CPNE4: variants seen among roughly 807,000 people sequenced by gnomAD.
The protein encoded by CPNE4 is copine 4.
Under a neutral mutation model 67.9 loss-of-function variants are expected in CPNE4, and 25 were observed. That is an observed-to-expected ratio of 0.37 (90% CI 0.27 to 0.51). The LOEUF (loss-of-function observed/expected upper bound fraction) is 0.51, where lower values mean the gene tolerates loss of function less well. Ranked by LOEUF, CPNE4 falls within the 20% of genes least tolerant of loss-of-function variation. The pLI is 0.93. For missense variants in CPNE4, 464 were observed against 690.8 expected, an observed-to-expected ratio of 0.67 and a Z score of 3.68; for synonymous variants, 242 against 244.9, an observed-to-expected ratio of 0.99 and a Z score of 0.11.
At chr3:131,538,377 C>A (rs1935288712) in intron 15 of CPNE4, among the ~76,000 whole-genome samples, 2 of 152,150 alleles carry the variant, frequency 1.3e-5, no homozygotes, top group African/African-American at 4.8e-5. Flanking sequence ...CCAAAGGATC[C>A]CCCATCCCCT....
chr3:131,633,331 C>T (rs1051042871), intron 7 of CPNE4, among the ~76,000 whole-genome samples: 1 of 152,094 alleles, frequency 6.6e-6, no homozygotes, highest in Non-Finnish European at 1.5e-5. Context: ...CACCCCCATC[C>T]CTACCACATT....
At chr3:131,636,555 C>G (rs2079391735) in intron 7 of CPNE4, among the ~76,000 whole-genome samples, 1 of 152,128 alleles carries the variant, frequency 6.6e-6, no homozygotes, top group South Asian at 2.1e-4. Flanking sequence ...TCTTTCTCTA[C>G]CTTCTGTGGT....
intron 12 of CPNE4, among the ~76,000 whole-genome samples, chr3:131,553,725 A>C (rs1936311521): frequency 6.6e-6 from 1 of 152,116 alleles, no homozygotes; most frequent in African/African-American, 2.4e-5. Context: ...GTTTCTGAGA[A>C]AGTGCTAACT....
chr3:131,994,438 C>T (rs1302573262), intron 1 of CPNE4, among the ~76,000 whole-genome samples: 2 of 138,200 alleles, frequency 1.4e-5, no homozygotes, highest in African/African-American at 2.4e-5. Context: ...GGAGCAGCTG[C>T]ACCATCTGGC....
At chr3:131,576,367 G>A (rs992889757) in intron 9 of CPNE4, among the ~76,000 whole-genome samples, 1 of 152,070 alleles carries the variant, frequency 6.6e-6, no homozygotes, top group African/African-American at 2.4e-5. Flanking sequence ...CAAAATAACA[G>A]TGCTTCTGAG....
intron 7 of CPNE4, among the ~76,000 whole-genome samples, chr3:131,664,359 C>A (rs1010482708): frequency 6.6e-6 from 1 of 152,064 alleles, no homozygotes; most frequent in Admixed American, 6.6e-5. Context: ...TTGATCAAAT[C>A]AAATAAAATG....
intron 1 of CPNE4, among the ~76,000 whole-genome samples, chr3:131,986,636 G>A (rs1304230349): frequency 5.3e-5 from 8 of 152,034 alleles, no homozygotes; most frequent in African/African-American, 1.4e-4. Context: ...GGTGGCTCAC[G>A]CCTGTAATCC....
intron 7 of CPNE4, among the ~76,000 whole-genome samples, chr3:131,602,492 T>A (rs920422192): frequency 6.6e-6 from 1 of 152,170 alleles, no homozygotes; most frequent in Non-Finnish European, 1.5e-5. Context: ...CTCTTCTGGA[T>A]TGCAGCCAAG....
chr3:131,865,162 T>C (rs543890604), intron 2 of CPNE4, among the ~76,000 whole-genome samples: 5 of 152,306 alleles, frequency 3.3e-5, no homozygotes, highest in African/African-American at 4.8e-5. Context: ...TGGTCTAAAA[T>C]TCCCTTTTTT....
intron 2 of CPNE4, among the ~76,000 whole-genome samples, chr3:131,772,876 C>T (rs1406232686): frequency 2.0e-5 from 3 of 152,116 alleles, no homozygotes; most frequent in Non-Finnish European, 2.9e-5. Context: ...GGCTGATGTG[C>T]TTGCTGCCTG....
chr3:131,596,300 C>G (rs1325095317), intron 7 of CPNE4, among the ~76,000 whole-genome samples: 2 of 152,094 alleles, frequency 1.3e-5, no homozygotes, highest in Non-Finnish European at 2.9e-5. Context: ...TCTTTACACA[C>G]CAATTATATT....
At chr3:131,572,953 A>T (rs1937408903) in intron 10 of CPNE4, among the ~76,000 whole-genome samples, 1 of 152,064 alleles carries the variant, frequency 6.6e-6, no homozygotes, top group Non-Finnish European at 1.5e-5. Flanking sequence ...GACCAAATTA[A>T]ATAAGACACG....
intron 3 of CPNE4, among the ~76,000 whole-genome samples, chr3:131,720,089 C>T (rs2081840900): frequency 1.3e-5 from 2 of 152,148 alleles, no homozygotes; most frequent in South Asian, 2.1e-4. Flanking sequence ...AATAGGCAAT[C>T]CACAGATGCT....
At chr3:131,856,613 G>T (rs1437958619) in intron 2 of CPNE4, among the ~76,000 whole-genome samples, 1 of 151,986 alleles carries the variant, frequency 6.6e-6, no homozygotes, top group African/African-American at 2.4e-5. Flanking sequence ...ATGTGGATGG[G>T]AAACATGGTA....
chr3:131,621,852 C>CG (rs770129672), intron 7 of CPNE4, among the ~76,000 whole-genome samples: 1 of 142,160 alleles, frequency 7.0e-6, no homozygotes, highest in African/African-American at 2.6e-5. Flanking sequence ...ACAAAAAATA[C>CG]AAAAAAAAAA....
chr3:131,909,040 C>T (rs1474944401), intron 1 of CPNE4, among the ~76,000 whole-genome samples: 1 of 152,138 alleles, frequency 6.6e-6, no homozygotes, highest in Non-Finnish European at 1.5e-5. Flanking sequence ...AGATGTCTCA[C>T]TATTAAGACC....
chr3:131,901,070 T>C (rs1467916204), intron 2 of CPNE4, among the ~76,000 whole-genome samples: 1 of 152,032 alleles, frequency 6.6e-6, no homozygotes, highest in Non-Finnish European at 1.5e-5. Context: ...AATCATAGGG[T>C]CACTGCCAAG....
chr3:131,794,557 T>C (rs2083868465), intron 2 of CPNE4, among the ~76,000 whole-genome samples: 1 of 152,190 alleles, frequency 6.6e-6, no homozygotes, highest in Non-Finnish European at 1.5e-5. Context: ...ACTGCATTTC[T>C]AGGGATGTGG....
At chr3:131,637,852 A>G (rs2079434002) in intron 7 of CPNE4, among the ~76,000 whole-genome samples, 2 of 152,204 alleles carry the variant, frequency 1.3e-5, no homozygotes, top group African/African-American at 4.8e-5. Flanking sequence ...CAGAAGCCCT[A>G]CAAGCTAGAA....
Sources: allele counts gnomAD v4.1 joint callset (sites outside exome capture counted in the v4.1 genomes callset), GRCh38; gene constraint gnomAD v4.1.1; transcripts MANE v1.5; gene names NCBI Gene and HGNC (gene_info 2026-07-23, HGNC 2026-07-21).